Variants in LINGO1 observed in about 807,000 individuals in gnomAD.
LINGO1 encodes the protein leucine-rich repeat and immunoglobulin-like domain-containing nogo receptor-interacting protein 1.
In LINGO1, 11 loss-of-function variants were observed where a neutral mutation model predicts 37.3. That is an observed-to-expected ratio of 0.29 (90% confidence interval 0.19 to 0.49). The LOEUF is 0.49. LINGO1 is among the 20% of genes least tolerant of loss of function. The pLI is 0.99. For missense variants in LINGO1, 585 were observed against 878.2 expected (o/e 0.67, Z 4.22); for synonymous variants, 387 against 403.0 (o/e 0.96, Z 0.48).
At chr15:77,635,563 G>C (rs2074379872), upstream of LINGO1, among the ~76,000 whole-genome samples, 1 of 152,186 alleles carries the variant, frequency 6.6e-6, no homozygotes, top group Admixed American at 6.5e-5. Context: ...AGTGTGCTCT[G>C]GCACAACCAG....
chr15:77,710,384 C>T (rs1345381381), intron 2 of LINGO1, among the ~76,000 whole-genome samples: 1 of 152,176 alleles, frequency 6.6e-6, no homozygotes, highest in East Asian at 1.9e-4. Flanking sequence ...GGGACTTGTC[C>T]AGCAGGAACA....
At chr15:77,762,599 A>C (rs558200848) in intron 1 of LINGO1, among the ~76,000 whole-genome samples, 1 of 152,316 alleles carries the variant, frequency 6.6e-6, no homozygotes, top group Non-Finnish European at 1.5e-5. Flanking sequence ...TCTGGATTAG[A>C]GAGGGAAAGC....
In LINGO1 at chr15:77,632,161, G is replaced by T; in HGVS notation, c.6+149C>A. The T allele has an allele frequency of 1.5e-6, 1 of 677,066 alleles. No homozygotes were observed. The highest frequency in any genetic ancestry group is 2.1e-6 in the Non-Finnish European group (1 of 482,548). 41.9% of individuals were successfully genotyped at this position (677,066 alleles called of 1,614,324 possible). On this transcript the variant is annotated intron_variant, in intron 1 of 1. Transcript: ENST00000355300. This position sits in a 1 kb window ranked among gnomAD's most constrained non-coding sequence, Gnocchi z 6.0. ...AATTTTCATTTCTGAGGCTTGAGGGGAAATCAGGCCTATGACCCCAAAGGA... is the reference window on the plus strand; with the variant it reads ...AATTTTCATTTCTGAGGCTTGAGGGTAAATCAGGCCTATGACCCCAAAGGA...
intron 1 of LINGO1, chr15:77,784,556 T>TC (rs1210674725): frequency 6.6e-6 from 1 of 152,276 alleles, no homozygotes; most frequent in African/African-American, 2.4e-5. Flanking sequence ...CTGGGTGCCC[T>TC]CCCATACATC....
chr15:77,632,461 G>GGGCT lies in LINGO1; in HGVS notation c.-150_-147dup, dbSNP rs2074287111. ...GCCCGGCAGTCCGCGCGCCCTCGCG[G>GGGCT]GGCTGGCTGTCCGTCTGTCCGCCCC... is the stretch of plus-strand genomic sequence containing the variant. On this transcript the variant is annotated 5_prime_UTR_variant, in exon 1 of 2. Coordinates refer to ENST00000355300, the MANE Select transcript of LINGO1 (RefSeq NM_032808.7). The surrounding 1 kb of genome is among the most constrained non-coding windows in gnomAD (Gnocchi z 6.0). 1 of 865,660 alleles carries GGGCT rather than the reference G, an allele frequency of 1.2e-6. No individual in the cohort carries two copies. The allele number at this position is 865,660 out of a possible 1,614,324, so 53.6% of individuals were successfully genotyped here. A position where few individuals can be genotyped will look rare whatever the true frequency, so the allele number is the denominator to read the frequency against.
upstream of LINGO1, among the ~76,000 whole-genome samples, chr15:77,698,349 T>G (rs766875366): frequency 1.3e-5 from 2 of 152,236 alleles, no homozygotes; most frequent in African/African-American, 2.4e-5. Context: ...AGTTCATTAA[T>G]TCAACAAGCA....
chr15:77,800,721 T>C (rs1259861741), intron 1 of LINGO1, among the ~76,000 whole-genome samples: 2 of 152,074 alleles, frequency 1.3e-5, no homozygotes, highest in Non-Finnish European at 2.9e-5. Context: ...CTACTGTACA[T>C]AAACGTGTAA....
At chr15:77,741,566 G>A (rs2076264618) in intron 1 of LINGO1, among the ~76,000 whole-genome samples, 1 of 152,206 alleles carries the variant, frequency 6.6e-6, no homozygotes, top group South Asian at 2.1e-4. Context: ...TGGCCACCCA[G>A]GAGGGGCAGG....
intron 1 of LINGO1, among the ~76,000 whole-genome samples, chr15:77,737,379 C>T (rs1360035687): frequency 6.6e-6 from 1 of 151,322 alleles, no homozygotes; most frequent in Admixed American, 6.6e-5. Flanking sequence ...AGCAATTTGC[C>T]TCAATATTGT....
intron 1 of LINGO1, among the ~76,000 whole-genome samples, chr15:77,752,940 G>A (rs961705182): frequency 3.3e-5 from 5 of 152,208 alleles, no homozygotes; most frequent in African/African-American, 1.2e-4. Context: ...TCTCTAGGCT[G>A]GGTGCCACTT....
chr15:77,805,960 C>T (rs1005557829), intron 1 of LINGO1, among the ~76,000 whole-genome samples: 6 of 152,204 alleles, frequency 3.9e-5, no homozygotes, highest in Non-Finnish European at 8.8e-5. Flanking sequence ...TGACCCCACC[C>T]GGGGCTGACC....
At chr15:77,699,253 A>G (rs1172951932), upstream of LINGO1, among the ~76,000 whole-genome samples, 1 of 151,966 alleles carries the variant, frequency 6.6e-6, no homozygotes, top group African/African-American at 2.4e-5. Flanking sequence ...ACCGATGGTC[A>G]GGAAAGCACG....
intron 2 of LINGO1, among the ~76,000 whole-genome samples, chr15:77,682,646 T>C (rs1323684394): frequency 6.6e-6 from 1 of 152,088 alleles, no homozygotes; most frequent in Non-Finnish European, 1.5e-5. Context: ...TTCCTGAATA[T>C]TTCTCAAACT....
chr15:77,789,642 G>A (rs1051912083), upstream of LINGO1, among the ~76,000 whole-genome samples: 2 of 152,148 alleles, frequency 1.3e-5, no homozygotes, highest in African/African-American at 2.4e-5. Flanking sequence ...GTTAAATATT[G>A]TATGGAGAAC....
At chr15:77,701,112 A>G (rs1264071975), upstream of LINGO1, among the ~76,000 whole-genome samples, 2 of 152,208 alleles carry the variant, frequency 1.3e-5, no homozygotes, top group Non-Finnish European at 2.9e-5. Flanking sequence ...TCCCTTGCCC[A>G]AGGTCAGGGG....
chr15:77,810,384 G>C (rs2076996417), intron 1 of LINGO1, among the ~76,000 whole-genome samples: 1 of 151,940 alleles, frequency 6.6e-6, no homozygotes, highest in African/African-American at 2.4e-5. Context: ...GGAGGAGAGG[G>C]AGAGGGACAG....
chr15:77,777,620 A>G (rs1266736098), intron 1 of LINGO1, among the ~76,000 whole-genome samples: 2 of 152,120 alleles, frequency 1.3e-5, no homozygotes, highest in South Asian at 2.1e-4. Flanking sequence ...AAAACAAAAA[A>G]TTTTATAAAC....
intron 1 of LINGO1, among the ~76,000 whole-genome samples, chr15:77,757,134 C>T (rs908360320): frequency 6.6e-6 from 1 of 152,238 alleles, no homozygotes; most frequent in Non-Finnish European, 1.5e-5. Context: ...CTTCCCCTCC[C>T]CACCAGTGTC....
At chr15:77,623,108 G>T (rs2073975263) in intron 1 of LINGO1, among the ~76,000 whole-genome samples, 1 of 152,240 alleles carries the variant, frequency 6.6e-6, no homozygotes, top group Non-Finnish European at 1.5e-5. Context: ...GACAAATGCT[G>T]CGAGGGGCAG....
Sources: allele counts gnomAD v4.1 joint callset (sites outside exome capture counted in the v4.1 genomes callset), GRCh38; gene constraint gnomAD v4.1.1; non-coding constraint Gnocchi (gnomAD v3.1); transcripts MANE v1.5; gene names NCBI Gene and HGNC (gene_info 2026-07-23, HGNC 2026-07-21).